Variants in RANBP2 observed in about 807,000 individuals in gnomAD.
RANBP2 encodes E3 SUMO-protein ligase RanBP2.
In RANBP2, 57 loss-of-function variants were observed where a neutral mutation model predicts 303.6. The observed-to-expected ratio is 0.19, with a 90% CI of 0.15 to 0.23. The LOEUF is 0.23. RANBP2 is among the 10% of genes least tolerant of loss of function. RANBP2 has a pLI of 1.00. For synonymous variants in RANBP2, 1,167 were observed against 1,301.5 expected, an observed-to-expected ratio of 0.90 and a Z score of 2.23; for missense variants, 3,138 against 3,780.8, an observed-to-expected ratio of 0.83 and a Z score of 4.46.
At chr2:108,791,725 A>G in the RANBP2 span, 1 of 1,606,668 alleles carries the variant, frequency 6.2e-7, no homozygotes, top group Non-Finnish European at 8.5e-7. Flanking sequence ...CAGGAAACAG[A>G]AGAAGAGTTA....
the RANBP2 span, among the ~76,000 whole-genome samples, chr2:109,095,608 C>T: frequency 2.0e-5 from 3 of 152,104 alleles, no homozygotes; most frequent in Non-Finnish European, 2.9e-5. Context: ...TTATTTAATT[C>T]TGAACATTAA....
chr2:108,749,121 A>G lies in RANBP2; in HGVS notation c.1265A>G (p.Tyr422Cys), dbSNP rs749369348. The change falls in exon 9 of 29, where the codon TAC becomes TGC. Residue 422 changes from tyrosine to cysteine, a missense_variant. By Grantham distance (194) the Tyr-to-Cys change is radical (BLOSUM62 -2). This residue lies in a region of RANBP2 where 95 missense variants were observed against 86.4 expected (regional missense o/e 1.10). Coordinates refer to ENST00000283195, the MANE Select transcript of RANBP2 (RefSeq NM_006267.5). Reference sequence around the variant, plus strand: ...CCAGAGCTTGAAGATTTGACTAGATACGATGTTGGTAAGTTATATGTTTCA... The same window carrying G: ...CCAGAGCTTGAAGATTTGACTAGATGCGATGTTGGTAAGTTATATGTTTCA... ...REPELEDLTR[Y>C]DVGAIRAHNG... 6.2e-7 allele frequency: 1 copy of G among 1,612,012 alleles called. No individual in the cohort carries two copies. Among genetic ancestry groups the G allele is most frequent in the East Asian group, 2.2e-5 (1 of 44,868 alleles).
chr2:109,693,362 C>T, the RANBP2 span, among the ~76,000 whole-genome samples: 51 of 152,022 alleles, frequency 3.4e-4, 1 homozygote, highest in Admixed American at 3.1e-3. Context: ...TTAGTAGAGA[C>T]GGGGTTTCAC....
rs1296269274 is a variant in RANBP2, at chr2:108,765,834, G to A, written c.5295G>A (p.Ser1765=). ...QTTAISTPAS[S]EISKAPKSGF... The stretch of plus-strand genomic sequence containing the variant: ...CTGCAATTTCAACACCTGCCTCTTC[G>A]GAGATAAGCAAGGCTCCAAAGAGTG... Residue 1765 remains serine (S), a synonymous_variant, in exon 20 of 29, where the codon TCG becomes TCA. Coordinates refer to ENST00000283195, the MANE Select transcript of RANBP2 (RefSeq NM_006267.5). 2.7e-5 allele frequency: 44 copies of A among 1,613,046 alleles called. No individual in the cohort carries two copies. Among genetic ancestry groups the A allele is most frequent in the Non-Finnish European group, 3.5e-5 (41 of 1,179,742 alleles).
the RANBP2 span, among the ~76,000 whole-genome samples, chr2:109,090,337 CACACA>C: frequency 1.4e-5 from 2 of 146,812 alleles, no homozygotes; most frequent in Admixed American, 6.7e-5. Context: ...CACACACACA[CACACA>C]CACACACACA....
Position 108,765,068 on chromosome 2 carries a change from T to C in RANBP2, c.4529T>C (p.Leu1510Pro). Residue 1510 changes from leucine (L) to proline (P), a missense_variant, in exon 20 of 29, where the codon CTA becomes CCA. Leu to Pro is a moderately conservative substitution (Grantham distance 98). Transcript: ENST00000283195. ...TGTCAGAATCCGAGAAAACAGAGTC[T>C]ACCTGCTACTTCTATTCCAACACCT... The part of the protein sequence containing the change: ...AACQNPRKQS[L>P]PATSIPTPAS... 4 of 1,613,810 alleles carry C rather than the reference T, an allele frequency of 2.5e-6. No individual in the cohort carries two copies. The highest frequency in any genetic ancestry group is 2.2e-5 in the South Asian group (2 of 91,076).
At chr2:109,318,760 C>A in the RANBP2 span, among the ~76,000 whole-genome samples, 5 of 152,174 alleles carry the variant, frequency 3.3e-5, no homozygotes, top group African/African-American at 1.2e-4. Flanking sequence ...CTCATCCAAT[C>A]TAAAGACAAA....
chr2:109,410,428 C>T, the RANBP2 span, among the ~76,000 whole-genome samples: 6 of 152,340 alleles, frequency 3.9e-5, no homozygotes, highest in East Asian at 7.7e-4. Context: ...CCTGCAGCTC[C>T]GTGCACCCAG....
chr2:109,079,929 G>A, the RANBP2 span, among the ~76,000 whole-genome samples: 95 of 152,338 alleles, frequency 6.2e-4, no homozygotes, highest in Middle Eastern at 6.8e-3. Flanking sequence ...GGCCATGGGT[G>A]TGAGTCACCA....
At chr2:109,534,974 T>A in the RANBP2 span, among the ~76,000 whole-genome samples, 1 of 152,140 alleles carries the variant, frequency 6.6e-6, no homozygotes, top group Admixed American at 6.5e-5. Flanking sequence ...GACTCTGGAC[T>A]CACTCAGCAA....
chr2:109,552,933 T>A, the RANBP2 span: 2 of 847,744 alleles, frequency 2.4e-6, no homozygotes, highest in Non-Finnish European at 3.6e-6. Context: ...GCTATGATTC[T>A]AAGTCAATAT....
At chr2:109,732,660 G>C in the RANBP2 span, 1 of 542,472 alleles carries the variant, frequency 1.8e-6, no homozygotes, top group South Asian at 1.4e-5. Context: ...TTAGAGAACC[G>C]GGTTTCATCA....
the RANBP2 span, among the ~76,000 whole-genome samples, chr2:109,376,779 G>A: frequency 1.3e-5 from 2 of 152,218 alleles, no homozygotes; most frequent in Non-Finnish European, 2.9e-5. Context: ...CACCCCACAC[G>A]TGCATGTGGT....
chr2:109,558,965 AGC>A, the RANBP2 span, among the ~76,000 whole-genome samples: 6 of 151,782 alleles, frequency 4.0e-5, 1 homozygote, highest in African/African-American at 1.5e-4. Context: ...AGCTCACTGC[AGC>A]CTCCACCTCC....
At chr2:108,740,123 AC>A (rs1260228661) in intron 6 of RANBP2, among the ~76,000 whole-genome samples, 1 of 152,260 alleles carries the variant, frequency 6.6e-6, no homozygotes, top group East Asian at 1.9e-4. Flanking sequence ...TTGAGAAATT[AC>A]AACTGTTAAT....
chr2:109,367,992 A>G, the RANBP2 span, among the ~76,000 whole-genome samples: 1 of 152,270 alleles, frequency 6.6e-6, no homozygotes, highest in Non-Finnish European at 1.5e-5. Flanking sequence ...CTAATTTGAC[A>G]GGCAAAGGAA....
chr2:108,845,958 AT>A, the RANBP2 span, among the ~76,000 whole-genome samples: 10 of 150,916 alleles, frequency 6.6e-5, no homozygotes, highest in South Asian at 2.1e-4. Flanking sequence ...TATTTTGCCC[AT>A]TTTTTTTTGT....
chr2:108,931,417 C>T, the RANBP2 span, among the ~76,000 whole-genome samples: 333 of 152,348 alleles, frequency 2.2e-3, 2 homozygotes, highest in African/African-American at 7.9e-3. Flanking sequence ...TAGGAGGACC[C>T]CTGGAGAGAC....
the RANBP2 span, among the ~76,000 whole-genome samples, chr2:108,994,947 A>G: frequency 6.7e-6 from 1 of 149,972 alleles, no homozygotes; most frequent in African/African-American, 2.5e-5. Flanking sequence ...CTCCTGCCTC[A>G]GCCTCCCGAG....
Sources: allele counts gnomAD v4.1 joint callset (sites outside exome capture counted in the v4.1 genomes callset), GRCh38; gene constraint gnomAD v4.1.1; regional missense constraint gnomAD v4.1.1; transcripts MANE v1.5; gene names NCBI Gene and HGNC (gene_info 2026-07-23, HGNC 2026-07-21).